FKBP1A: variants seen among roughly 807,000 people sequenced by gnomAD.
FKBP1A encodes FKBP prolyl isomerase 1A.
Under a neutral mutation model 14.2 loss-of-function variants are expected in FKBP1A, and 5 were observed. The ratio of observed to expected loss-of-function variants is 0.35; its 90% confidence interval spans 0.18 to 0.74. The LOEUF is 0.74. Among genes scored for constraint, FKBP1A ranks in the 30% least tolerant of loss-of-function variants. The pLI, the probability that FKBP1A is intolerant of heterozygous loss-of-function variation, is 0.56. For missense variants in FKBP1A, 53 were observed against 138.8 expected (o/e 0.38, Z 3.10); for synonymous variants, 42 against 49.1 (o/e 0.86, Z 0.60).
intron 2 of FKBP1A, among the ~76,000 whole-genome samples, chr20:1,383,510 C>A (rs4813115): frequency 6.6e-6 from 1 of 151,568 alleles, no homozygotes; most frequent in Non-Finnish European, 1.5e-5. Flanking sequence ...TTCTTAATGA[C>A]AAAAAGTACA....
At chr20:1,382,789 A>G (rs528032792) in intron 2 of FKBP1A, among the ~76,000 whole-genome samples, 1 of 152,354 alleles carries the variant, frequency 6.6e-6, no homozygotes, top group Non-Finnish European at 1.5e-5. Flanking sequence ...AAGAAGCCAA[A>G]GCTATGACTG....
intron 2 of FKBP1A, among the ~76,000 whole-genome samples, chr20:1,382,744 G>GA: frequency 6.6e-6 from 1 of 152,306 alleles, no homozygotes; most frequent in Non-Finnish European, 1.5e-5. Context: ...AGAAAAATGT[G>GA]AAAATGTGCT....
chr20:1,376,810 TG>T (rs2089550818), intron 2 of FKBP1A: 1 of 152,062 alleles, frequency 6.6e-6, no homozygotes, highest in African/African-American at 2.4e-5. Context: ...TCCCAGAAGC[TG>T]GACAAGCCAC....
At chr20:1,373,599 G>C (rs745453739) in intron 3 of FKBP1A, among the ~76,000 whole-genome samples, 1 of 152,178 alleles carries the variant, frequency 6.6e-6, no homozygotes, top group Non-Finnish European at 1.5e-5. Flanking sequence ...TGACAGGGCT[G>C]TGACTGACCC....
intron 2 of FKBP1A, among the ~76,000 whole-genome samples, chr20:1,376,383 C>T (rs1407013777): frequency 6.6e-6 from 1 of 152,220 alleles, no homozygotes; most frequent in Non-Finnish European, 1.5e-5. Context: ...CAGCATTCAT[C>T]CCACTTATTT....
At chr20:1,370,233 T>C (rs1480212617) in intron 4 of FKBP1A, 161 bp from the exon 5 acceptor site, 23 of 985,352 alleles carry the variant, frequency 2.3e-5, no homozygotes, top group Non-Finnish European at 2.5e-5. Context: ...CCAGAAAGAC[T>C]TGGGCTGGGT....
At chr20:1,370,288 G>C (rs2089446080) in intron 4 of FKBP1A, 1 of 985,320 alleles carries the variant, frequency 1.0e-6, no homozygotes. Context: ...TGTGTGTTTT[G>C]TTTAATCTAA....
At chr20:1,371,446 G>C (rs961701324) in intron 4 of FKBP1A, among the ~76,000 whole-genome samples, 1 of 152,142 alleles carries the variant, frequency 6.6e-6, no homozygotes, top group African/African-American at 2.4e-5. Context: ...AGAACTGTCT[G>C]ATCTAAGAGC....
Position 1,393,023 on chromosome 20 carries a change from G to C in FKBP1A, c.-25C>G. 6.9e-7 allele frequency: 1 copy of C among 1,442,936 alleles called. No homozygotes were observed. Among genetic ancestry groups the C allele is most frequent in the Non-Finnish European group, 9.1e-7 (1 of 1,096,124 alleles). The allele number at this position is 1,442,936 out of a possible 1,614,324, so 89.4% of individuals were successfully genotyped here. Reference sequence around the variant, plus strand: ...TGGCGGCGGCGGACGCTGAGCGGGCGGGCGGCGCGACGGGCGGCGTGGACC... The same window carrying C: ...TGGCGGCGGCGGACGCTGAGCGGGCCGGCGGCGCGACGGGCGGCGTGGACC... On this transcript the variant is annotated 5_prime_UTR_variant, in exon 1 of 5. Coordinates refer to ENST00000400137, the MANE Select transcript of FKBP1A (RefSeq NM_000801.5).
chr20:1,392,009 T>A (rs2089743483), intron 2 of FKBP1A, among the ~76,000 whole-genome samples: 1 of 152,086 alleles, frequency 6.6e-6, no homozygotes, highest in African/African-American at 2.4e-5. Context: ...CTCTGATGTC[T>A]GAATTCTGGC....
intron 4 of FKBP1A, chr20:1,370,921 A>G: frequency 2.0e-6 from 2 of 985,502 alleles, no homozygotes; most frequent in Non-Finnish European, 1.2e-6. Context: ...CCCTCCCAGT[A>G]GCAATGACAG....
At chr20:1,370,295 C>A (rs193254270) in intron 4 of FKBP1A, 1 of 985,448 alleles carries the variant, frequency 1.0e-6, no homozygotes, top group Non-Finnish European at 1.2e-6. Context: ...TTTGTTTAAT[C>A]TAAGGTTAAG....
rs34991787 is a variant in FKBP1A, at chr20:1,383,684, T to TAAAAAAAAAAA, written c.86-8092_86-8082dup. Among the ~76,000 whole-genome samples, 30 of 125,276 alleles carry TAAAAAAAAAAA rather than the reference T, an allele frequency of 2.4e-4. 1 individual carries two copies. Among genetic ancestry groups the TAAAAAAAAAAA allele is most frequent in the African/African-American group, 8.2e-4 (26 of 31,726 alleles). 82.2% of individuals were successfully genotyped at this position (125,276 alleles called of 152,430 possible). On this transcript the variant is annotated intron_variant, in intron 2 of 4. Transcript: ENST00000400137. ...CCCCAATCCTGTTTCTGCAAAAAAT[T>TAAAAAAAAAAA]AAAAAAAAAAAAAAAAAAATTTAGC... is the stretch of plus-strand genomic sequence containing the variant.
At chr20:1,370,359 A>G in intron 4 of FKBP1A, 1 of 985,436 alleles carries the variant, frequency 1.0e-6, no homozygotes. Flanking sequence ...CTGACAATAC[A>G]GTTCCCCACT....
At chr20:1,392,053 C>T (rs1446787322) in intron 2 of FKBP1A, among the ~76,000 whole-genome samples, 2 of 152,186 alleles carry the variant, frequency 1.3e-5, no homozygotes, top group African/African-American at 2.4e-5. Context: ...TTTCCTTTGG[C>T]TTGTATTATC....
chr20:1,387,718 G>A (rs1433981400), intron 2 of FKBP1A, among the ~76,000 whole-genome samples: 1 of 152,040 alleles, frequency 6.6e-6, no homozygotes, highest in Non-Finnish European at 1.5e-5. Context: ...GCATGCACCT[G>A]TATGCCCAAC....
chr20:1,384,159 G>A (rs557163997), intron 2 of FKBP1A, among the ~76,000 whole-genome samples: 1 of 152,230 alleles, frequency 6.6e-6, no homozygotes, highest in South Asian at 2.1e-4. Flanking sequence ...GTTCACAAAG[G>A]GAGGAGTGGT....
At chr20:1,383,703 AT>A (rs751576048) in intron 2 of FKBP1A, among the ~76,000 whole-genome samples, 18,347 of 127,414 alleles carry the variant, frequency 0.14, 1,553 homozygotes, top group Non-Finnish European at 0.2. Flanking sequence ...AAAAAAAAAA[AT>A]TTAGCCAGAC....
At chr20:1,392,181 T>A (rs1298580790) in intron 2 of FKBP1A, among the ~76,000 whole-genome samples, 2 of 152,222 alleles carry the variant, frequency 1.3e-5, no homozygotes, top group Non-Finnish European at 2.9e-5. Context: ...GAGCCAGCGC[T>A]GTCACTGAGC....
Sources: allele counts gnomAD v4.1 joint callset (sites outside exome capture counted in the v4.1 genomes callset), GRCh38; gene constraint gnomAD v4.1.1; transcripts MANE v1.5; gene names NCBI Gene and HGNC (gene_info 2026-07-23, HGNC 2026-07-21).